TENM4: variants seen among roughly 807,000 people sequenced by gnomAD.
TENM4 encodes the protein teneurin-4.
Under a neutral mutation model 243.3 loss-of-function variants are expected in TENM4, and 82 were observed. The observed-to-expected ratio is 0.34, with a 90% CI of 0.28 to 0.40. The LOEUF (loss-of-function observed/expected upper bound fraction) is 0.40. TENM4 is among the 10% of genes least tolerant of loss of function. The pLI is 1.00. For synonymous variants in TENM4, 1,412 were observed against 1,456.3 expected (o/e 0.97, Z 0.69); for missense variants, 3,138 against 3,673.3 (o/e 0.85, Z 3.77).
At chr11:79,251,662 G>T (rs1323266664) in intron 2 of TENM4, among the ~76,000 whole-genome samples, 5 of 151,870 alleles carry the variant, frequency 3.3e-5, no homozygotes, top group Non-Finnish European at 5.9e-5. Flanking sequence ...GCAACAAGAA[G>T]GTTTGACACC....
intron 13 of TENM4, 127 bp from the exon 14 acceptor site, chr11:78,812,443 T>C (rs1857520397): frequency 1.9e-6 from 2 of 1,064,514 alleles, no homozygotes; most frequent in Non-Finnish European, 2.7e-6. Context: ...CAAACACCCA[T>C]GTGTGCCCAT....
At chr11:78,942,175 G>A (rs950617066) in intron 6 of TENM4, among the ~76,000 whole-genome samples, 3 of 147,384 alleles carry the variant, frequency 2.0e-5, no homozygotes, top group African/African-American at 7.6e-5. Flanking sequence ...CACTTTGGGA[G>A]GCCAAGTTGG....
At chr11:78,978,023 CA>C (rs1459655212) in intron 6 of TENM4, among the ~76,000 whole-genome samples, 4 of 152,096 alleles carry the variant, frequency 2.6e-5, no homozygotes, top group African/African-American at 9.7e-5. Flanking sequence ...ACTATGCAGC[CA>C]TGAAAAAGGA....
At chr11:79,215,329 G>C (rs571722929) in intron 3 of TENM4, among the ~76,000 whole-genome samples, 5 of 152,170 alleles carry the variant, frequency 3.3e-5, no homozygotes, top group Non-Finnish European at 7.4e-5. Flanking sequence ...CCTGCCTTCT[G>C]GACAGCCTTC....
intron 4 of TENM4, among the ~76,000 whole-genome samples, chr11:79,146,420 G>C (rs1370526998): frequency 6.6e-6 from 1 of 152,056 alleles, no homozygotes; most frequent in Non-Finnish European, 1.5e-5. Flanking sequence ...ATAATTGCCA[G>C]CCCCATGGCC....
At chr11:79,271,726 C>G (rs989147030) in intron 2 of TENM4, among the ~76,000 whole-genome samples, 2 of 152,236 alleles carry the variant, frequency 1.3e-5, no homozygotes, top group African/African-American at 4.8e-5. Context: ...ACCTACTCCC[C>G]CAGCTCTCTC....
At chr11:79,158,745 T>G (rs1039677767) in intron 3 of TENM4, among the ~76,000 whole-genome samples, 1 of 152,194 alleles carries the variant, frequency 6.6e-6, no homozygotes, top group African/African-American at 2.4e-5. Flanking sequence ...TATCTGAGGC[T>G]TAGGGATGTT....
rs1286146140 is a variant in TENM4, at chr11:78,722,769, C to T, written c.3699G>A (p.Val1233=). Residue 1233 remains valine, a synonymous_variant, in exon 24 of 34, where the codon GTG becomes GTA. Transcript: ENST00000278550. The part of the protein sequence containing the change: ...LADGNKLLAP[V]ALTCGSDGSL... The stretch of plus-strand genomic sequence containing the variant: ...TCCCGTCAGAGCCACAGGTGAGGGC[C>T]ACTGGGGCCAGGAGCTTGTTGCCGT... 6.2e-7 allele frequency: 1 copy of T among 1,613,938 alleles called. No homozygotes were observed. Among genetic ancestry groups the T allele is most frequent in the Non-Finnish European group, 8.5e-7 (1 of 1,179,904 alleles).
In TENM4 at chr11:78,670,156, CAG is replaced by C; in HGVS notation, c.6187_6188del (p.Leu2063AspfsTer2). 1.2e-6 allele frequency: 2 copies of C among 1,613,952 alleles called. No homozygotes were observed. The highest frequency in any genetic ancestry group is 8.5e-7 in the Non-Finnish European group (1 of 1,179,892). On this transcript the variant is annotated frameshift_variant, in exon 32 of 34. Transcript: ENST00000278550. LOFTEE classifies it high-confidence loss of function. ...TGAAGCGGAAGATCTGTCGGTCAATCAGGGGCCCAATCTGACGGTAGCGGATG... is the reference window on the plus strand; with the variant it reads ...TGAAGCGGAAGATCTGTCGGTCAATCGGGCCCAATCTGACGGTAGCGGATG... ...CTIRYRQIGP[L>X]IDRQIFRFTE... is the part of the protein sequence containing the mutation.
intron 9 of TENM4, among the ~76,000 whole-genome samples, chr11:78,875,033 G>A (rs1555094083): frequency 6.6e-6 from 1 of 152,172 alleles, no homozygotes; most frequent in Non-Finnish European, 1.5e-5. Flanking sequence ...AGGTGCTGTT[G>A]CTCAATAAGC....
chr11:79,385,613 A>G (rs78309455), intron 1 of TENM4, among the ~76,000 whole-genome samples: 4,554 of 152,308 alleles, frequency 0.03, 230 homozygotes, highest in African/African-American at 0.11. Flanking sequence ...ACTGTTACAA[A>G]TTCTTATTCA....
intron 15 of TENM4, among the ~76,000 whole-genome samples, chr11:78,790,631 G>A (rs1485036666): frequency 6.6e-6 from 1 of 152,200 alleles, no homozygotes; most frequent in Non-Finnish European, 1.5e-5. Flanking sequence ...TGATCATCTA[G>A]TGTCTTTTCA....
intron 1 of TENM4, among the ~76,000 whole-genome samples, chr11:79,310,289 T>C (rs926502801): frequency 3.3e-5 from 5 of 152,170 alleles, no homozygotes; most frequent in South Asian, 2.1e-4. Context: ...CCAGACACCA[T>C]CTTGATATTA....
intron 3 of TENM4, among the ~76,000 whole-genome samples, chr11:79,214,274 C>T (rs1200460380): frequency 1.3e-5 from 2 of 152,150 alleles, no homozygotes; most frequent in Admixed American, 6.5e-5. Flanking sequence ...GGATTACAGG[C>T]TTGAGCCATC....
intron 8 of TENM4, 81 bp from the exon 9 acceptor site, chr11:78,890,101 C>T (rs1855629502): frequency 3.4e-6 from 4 of 1,170,244 alleles, no homozygotes; most frequent in Non-Finnish European, 4.7e-6. Context: ...CCAGAGGCGG[C>T]AGTAGAAGAA....
chr11:79,005,389 A>AAAAAGGTAATCCACCACGATC (rs1310735300), intron 6 of TENM4, among the ~76,000 whole-genome samples: 4 of 152,244 alleles, frequency 2.6e-5, no homozygotes, highest in Non-Finnish European at 5.9e-5. Context: ...GGAGCACATC[A>AAAAAGGTAATCCACCACGATC]AAAAGGTAAT....
intron 2 of TENM4, among the ~76,000 whole-genome samples, chr11:79,219,079 G>A (rs1864110575): frequency 6.6e-6 from 1 of 152,208 alleles, no homozygotes; most frequent in Non-Finnish European, 1.5e-5. Flanking sequence ...TGTGGACAGA[G>A]GATGGAGAGA....
At chr11:79,322,422 C>T (rs1369458270) in intron 1 of TENM4, among the ~76,000 whole-genome samples, 4 of 152,292 alleles carry the variant, frequency 2.6e-5, no homozygotes, top group Admixed American at 2.6e-4. Flanking sequence ...ATGTGGCTGG[C>T]CCTGCTCCTA....
chr11:79,309,106 C>T (rs1409386361), intron 1 of TENM4, among the ~76,000 whole-genome samples: 1 of 152,132 alleles, frequency 6.6e-6, no homozygotes, highest in African/African-American at 2.4e-5. Context: ...CATCCACTCA[C>T]CACCAGTGGA....
Sources: gnomAD v4.1 joint callset for allele counts (sites outside exome capture counted in the v4.1 genomes callset) on GRCh38, gnomAD v4.1.1 for gene constraint, MANE v1.5 for transcripts, NCBI Gene and HGNC (gene_info 2026-07-23, HGNC 2026-07-21) for gene names.